Variants in MAPKBP1 observed in about 807,000 individuals in gnomAD.
The protein encoded by MAPKBP1 is mitogen-activated protein kinase binding protein 1.
Under a neutral mutation model 170.5 loss-of-function variants are expected in MAPKBP1, and 71 were observed. The observed-to-expected ratio is 0.42, with a 90% CI of 0.34 to 0.51. The LOEUF (loss-of-function observed/expected upper bound fraction) is 0.51, where lower values mean the gene tolerates loss of function less well. MAPKBP1 is among the 20% of genes least tolerant of loss of function. The pLI, the probability that MAPKBP1 is intolerant of heterozygous loss-of-function variation, is 0.06. For synonymous variants in MAPKBP1, 719 were observed against 757.9 expected (o/e 0.95, Z 0.84); for missense variants, 1,598 against 1,933.0 (o/e 0.83, Z 3.25).
Position 41,774,511 on chromosome 15 carries a change from C to G in MAPKBP1, c.-209C>G, listed in dbSNP as rs1282974179. ...GCCGATCGTGCCACCATAGCTCCTGCTGCTGCCTCTACCGCTGCGGCTACC... is the reference window on the plus strand; with the variant it reads ...GCCGATCGTGCCACCATAGCTCCTGGTGCTGCCTCTACCGCTGCGGCTACC... On this transcript the variant is annotated 5_prime_UTR_variant, in exon 1 of 31. Transcript: ENST00000457542. The G allele has an allele frequency of 7.5e-6, 3 of 398,408 alleles. No individual in the cohort carries two copies. The highest frequency in any genetic ancestry group is 8.8e-5 in the Admixed American group (2 of 22,722). 24.7% of individuals were successfully genotyped at this position (398,408 alleles called of 1,614,324 possible).
Position 41,824,556 on chromosome 15 carries a change from G to A in MAPKBP1, c.4286G>A (p.Arg1429Gln), listed in dbSNP as rs759363306. 8.2e-5 allele frequency: 131 copies of A among 1,597,636 alleles called. 1 individual carries two copies. The highest frequency in any genetic ancestry group is 6.4e-4 in the South Asian group (57 of 88,600). ...ELRGSVRQAV[R>Q]LYHSVAGCKM... ...CGCGGCAGCGTGCGCCAGGCAGTGC[G>A]GCTCTACCACTCGGTGGGTGTTAGG... The change falls in exon 30 of 31, where the codon CGG becomes CAG. Residue 1429 changes from arginine to glutamine, a missense_variant. Transcript: ENST00000457542.
At chr15:41,785,762 G>C (rs2064275605) in intron 2 of MAPKBP1, among the ~76,000 whole-genome samples, 3 of 152,036 alleles carry the variant, frequency 2.0e-5, no homozygotes, top group African/African-American at 7.2e-5. Flanking sequence ...TGAAGATATA[G>C]GTGCAATCAT....
Position 41,798,700 on chromosome 15 carries a change from G to C in MAPKBP1, c.115-1123G>C, listed in dbSNP as rs559206315. ...TAGAAACTGGCCTGGACTAAGAATA[G>C]ACCGCCCTGCCACAAGCATCCACCC... is the stretch of plus-strand genomic sequence containing the variant. On this transcript the variant is annotated intron_variant, in intron 2 of 30. Coordinates refer to ENST00000457542, the MANE Select transcript of MAPKBP1 (RefSeq NM_014994.3). 5.9e-5 allele frequency among the ~76,000 whole-genome samples: 9 copies of C among 152,270 alleles called. No individual in the cohort carries two copies. The South Asian group carries it at 1.9e-3, about 32-fold the overall frequency.
At chr15:41,800,468 G>A (rs2064571513) in intron 3 of MAPKBP1, among the ~76,000 whole-genome samples, 1 of 151,802 alleles carries the variant, frequency 6.6e-6, no homozygotes, top group Non-Finnish European at 1.5e-5. Flanking sequence ...TCAGTCTCCC[G>A]AGTAGCTGGG....
chr15:41,811,448 T>C (rs2064804389), intron 5 of MAPKBP1: 1 of 702,726 alleles, frequency 1.4e-6, no homozygotes, highest in South Asian at 1.5e-5. Context: ...AGCCTGGTCC[T>C]CAGAGTTTCT....
chr15:41,819,136 T>G (rs576690160), intron 20 of MAPKBP1, 110 bp from the exon 21 acceptor site: 1 of 1,446,420 alleles, frequency 6.9e-7, no homozygotes, highest in Non-Finnish European at 9.5e-7. Flanking sequence ...TCTCCCCCTA[T>G]TGAGTCTCAT....
chr15:41,811,462 T>G (rs1207887351), intron 5 of MAPKBP1: 1 of 698,152 alleles, frequency 1.4e-6, no homozygotes, highest in South Asian at 1.5e-5. Context: ...AGTTTCTGAT[T>G]CTGTAGGTCT....
chr15:41,825,089 C>A, intron 30 of MAPKBP1, 120 bp from the exon 31 acceptor site: 1 of 704,006 alleles, frequency 1.4e-6, no homozygotes, highest in Non-Finnish European at 2.4e-6. Flanking sequence ...ACATGCTGAT[C>A]TTGGCGGGTA....
At position 41,822,028 on chromosome 15, in the gene MAPKBP1, C is replaced by G. The variant is rs773255873; in HGVS notation, c.2949C>G (p.Ser983Arg). 1 of 1,609,762 alleles carries G rather than the reference C, an allele frequency of 6.2e-7. No individual in the cohort carries two copies. The highest frequency in any genetic ancestry group is 1.7e-5 in the Admixed American group (1 of 59,624). ...TLGRVYPGSRSSEKHSPDSAC... is the reference protein window; with the variant it reads ...TLGRVYPGSRRSEKHSPDSAC... ...GAAGAGTGTACCCAGGCAGCAGGAGCTCAGAAAAGCACAGCCCTGACAGTG... is the reference window on the plus strand; with the variant it reads ...GAAGAGTGTACCCAGGCAGCAGGAGGTCAGAAAAGCACAGCCCTGACAGTG... Residue 983 changes from serine (S) to arginine (R), a missense_variant, in exon 25 of 31, where the codon AGC (serine) becomes AGG (arginine). By Grantham distance (110) the Ser-to-Arg change is moderately radical (BLOSUM62 -1). Coordinates refer to ENST00000457542, the MANE Select transcript of MAPKBP1 (RefSeq NM_014994.3).
At chr15:41,824,649 T>C in intron 30 of MAPKBP1, 80 bp downstream of exon 30, 1 of 1,334,092 alleles carries the variant, frequency 7.5e-7, no homozygotes, top group Non-Finnish European at 1.0e-6. Flanking sequence ...TCCAGAACAG[T>C]ATGCTAAGCC....
In MAPKBP1 at chr15:41,818,027, T is replaced by C. The variant is rs2064923022; in HGVS notation, c.1923T>C (p.Ser641=). ...DRNIRIFNIS[S]GKQKKLFKGS... ...CTTACAGGATATTTAACATCAGCAG[T>C]GGAAAGCAGAAGAAGCTGTTTAAAG... Residue 641 remains serine, a synonymous_variant, in exon 17 of 31, where the codon AGT becomes AGC. Transcript: ENST00000457542. The surrounding 1 kb of genome is among the most constrained non-coding windows in gnomAD (Gnocchi z 5.2). 1 of 1,613,930 alleles carries C rather than the reference T, an allele frequency of 6.2e-7. No individual in the cohort carries two copies. Among genetic ancestry groups the C allele is most frequent in the South Asian group, 1.1e-5 (1 of 91,078 alleles).
intron 2 of MAPKBP1, among the ~76,000 whole-genome samples, chr15:41,794,642 T>G (rs2064454234): frequency 6.6e-6 from 1 of 152,174 alleles, no homozygotes; most frequent in Admixed American, 6.5e-5. Context: ...GGGCTTTCAC[T>G]GTTTCTGAAG....
chr15:41,812,728 C>T, intron 7 of MAPKBP1, 75 bp downstream of exon 7: 1 of 1,512,534 alleles, frequency 6.6e-7, no homozygotes, highest in Non-Finnish European at 8.8e-7. Context: ...GAGACTCTGC[C>T]CCACTTGGGC....
At chr15:41,800,250 T>A (rs1425726826) in intron 3 of MAPKBP1, among the ~76,000 whole-genome samples, 2 of 152,200 alleles carry the variant, frequency 1.3e-5, no homozygotes, top group Admixed American at 6.5e-5. Context: ...ACCATATAAC[T>A]CACTATTTAA....
At chr15:41,807,780 G>A (rs954254585) in intron 3 of MAPKBP1, among the ~76,000 whole-genome samples, 89 of 152,182 alleles carry the variant, frequency 5.8e-4, no homozygotes, top group African/African-American at 2.1e-3. Flanking sequence ...GCTCACGCCT[G>A]TAATCCCAAC....
chr15:41,803,434 A>AAAAGG (rs58804270), intron 3 of MAPKBP1, among the ~76,000 whole-genome samples: 1 of 90,758 alleles, frequency 1.1e-5, no homozygotes, highest in Non-Finnish European at 2.0e-5. Flanking sequence ...AAAAAAAAAA[A>AAAAGG]AGGTTAAGCA....
chr15:41,814,884 G>A (rs1596089977), intron 10 of MAPKBP1, 145 bp downstream of exon 10: 1 of 1,083,052 alleles, frequency 9.2e-7, no homozygotes, highest in East Asian at 2.4e-5. Context: ...TAGATCCTGG[G>A]GACTGAGTTT....
At position 41,827,565 on chromosome 15, in the gene MAPKBP1, T is replaced by A. The variant is rs1396852345; in HGVS notation, c.*2129T>A. ...AGGGAGCTACCCTTCGCCAGAAGTT[T>A]GTGAGAATGTGGCCGCCCTTTTCCT... On this transcript the variant is annotated 3_prime_UTR_variant, in exon 31 of 31. Coordinates refer to ENST00000457542, the MANE Select transcript of MAPKBP1 (RefSeq NM_014994.3). 1 of 152,350 alleles carries A rather than the reference T, an allele frequency of 6.6e-6. No homozygotes were observed. Among genetic ancestry groups the A allele is most frequent in the Non-Finnish European group, 1.5e-5 (1 of 68,152 alleles). 9.4% of individuals were successfully genotyped at this position (152,350 alleles called of 1,614,324 possible).
At position 41,811,900 on chromosome 15, in the gene MAPKBP1, G is replaced by C. The variant is rs1053111035; in HGVS notation, c.328-57G>C. 8 of 1,585,118 alleles carry C rather than the reference G, an allele frequency of 5.0e-6. No individual in the cohort carries two copies. The African/African-American group carries it at 6.7e-5, about 13-fold the overall frequency. ...GGGCCCCGCTCTGGAAGACGAAGTG[G>C]GGCTGTATGCCTGTGGAGAAGTCAA... is the stretch of plus-strand genomic sequence containing the variant. On this transcript the variant is annotated intron_variant, in intron 5 of 30. Coordinates refer to ENST00000457542, the MANE Select transcript of MAPKBP1 (RefSeq NM_014994.3).
Sources: allele counts gnomAD v4.1 joint callset (sites outside exome capture counted in the v4.1 genomes callset), GRCh38; gene constraint gnomAD v4.1.1; non-coding constraint Gnocchi (gnomAD v3.1); transcripts MANE v1.5; gene names NCBI Gene and HGNC (gene_info 2026-07-23, HGNC 2026-07-21).